Variants in AFF2 observed in about 807,000 individuals in gnomAD.
AFF2 encodes the protein ALF transcription elongation factor 2.
In AFF2, 14 loss-of-function variants were observed where a neutral mutation model predicts 76.9. The observed-to-expected ratio is 0.18, with a 90% CI of 0.12 to 0.28. The LOEUF is 0.28. AFF2 is among the 10% of genes least tolerant of loss of function. The pLI is 1.00. For missense variants in AFF2, 868 were observed against 1,001.1 expected (o/e 0.87, Z 1.79); for synonymous variants, 398 against 366.7 (o/e 1.09, Z -0.98).
At chrX:148,768,406 A>G (rs1001628992) in intron 3 of AFF2, among the ~76,000 whole-genome samples, 3 of 110,810 alleles carry the variant, frequency 2.7e-5, no homozygotes, top group African/African-American at 9.9e-5. Context: ...CCTTAATTAA[A>G]TGCAGTTCAC....
intron 9 of AFF2, among the ~76,000 whole-genome samples, chrX:148,931,487 A>G (rs1366997252): frequency 9.0e-6 from 1 of 111,710 alleles, no homozygotes; most frequent in African/African-American, 3.3e-5. Context: ...TTGTAACTTT[A>G]GTCACTATAT....
intron 16 of AFF2, 88 bp downstream of exon 16, chrX:148,973,695 T>C: frequency 7.1e-6 from 7 of 992,671 alleles, no homozygotes; most frequent in Non-Finnish European, 9.5e-6. Context: ...TTTCCACTTA[T>C]TAATAATTTG....
At chrX:148,602,085 CAGA>C (rs1163288489) in intron 1 of AFF2, among the ~76,000 whole-genome samples, 1 of 111,606 alleles carries the variant, frequency 9.0e-6, no homozygotes, top group East Asian at 2.8e-4. Context: ...ACAGGGTGCT[CAGA>C]AGAAGGCTTT....
Position 148,636,802 on chromosome X carries a change from A to G in AFF2, c.48-15197A>G, listed in dbSNP as rs183465729. On this transcript the variant is annotated intron_variant, in intron 1 of 20. Coordinates refer to ENST00000370460, the MANE Select transcript of AFF2 (RefSeq NM_002025.4). ...AAAATTTTTTCCACCTATTGTAAGT[A>G]CCTTGGGAAAAAAAAAACCAGACAT... 6.9e-3 allele frequency among the ~76,000 whole-genome samples: 696 copies of G among 100,989 alleles called. 8 individuals carry two copies. Among genetic ancestry groups the G allele is most frequent in the African/African-American group, 0.024 (661 of 27,999 alleles). 87.7% of individuals were successfully genotyped at this position (100,989 alleles called of 115,157 possible). A position where few individuals can be genotyped will look rare whatever the true frequency, so the allele number is the denominator to read the frequency against.
At chrX:148,846,101 C>T (rs2070663963) in intron 7 of AFF2, among the ~76,000 whole-genome samples, 1 of 112,125 alleles carries the variant, frequency 8.9e-6, no homozygotes, top group African/African-American at 3.2e-5. Flanking sequence ...ACAATTACTG[C>T]TGTCTCTGAG....
intron 9 of AFF2, among the ~76,000 whole-genome samples, chrX:148,942,264 T>C (rs1322791205): frequency 9.2e-6 from 1 of 108,227 alleles, no homozygotes; most frequent in Non-Finnish European, 1.9e-5. Context: ...ATGGAGGCAA[T>C]GTGGGAGCAG....
chrX:148,886,393 T>C (rs1267415122), intron 8 of AFF2, among the ~76,000 whole-genome samples: 1 of 111,734 alleles, frequency 8.9e-6, no homozygotes, highest in African/African-American at 3.3e-5. Context: ...TGATGCTTCA[T>C]TCACCTTTCC....
chrX:148,851,027 G>A (rs1557275280), intron 7 of AFF2, among the ~76,000 whole-genome samples: 1 of 112,386 alleles, frequency 8.9e-6, no homozygotes, highest in Non-Finnish European at 1.9e-5. Context: ...ATCCAACTGA[G>A]ACTGGAGTAG....
intron 3 of AFF2, among the ~76,000 whole-genome samples, chrX:148,728,897 A>T (rs1427168012): frequency 8.9e-6 from 1 of 112,290 alleles, no homozygotes; most frequent in African/African-American, 3.2e-5. Context: ...AGAAATGCAT[A>T]CCATTATTCA....
chrX:148,666,435 A>C (rs1557258464), intron 3 of AFF2, among the ~76,000 whole-genome samples: 1 of 110,054 alleles, frequency 9.1e-6, no homozygotes, highest in African/African-American at 3.3e-5. Context: ...AAATACAAAA[A>C]ATAGCTGGCC....
intron 3 of AFF2, among the ~76,000 whole-genome samples, chrX:148,733,380 T>C (rs1290528648): frequency 9.0e-6 from 1 of 110,915 alleles, no homozygotes; most frequent in Non-Finnish European, 1.9e-5. Context: ...AAATCTAGTA[T>C]ACTTTTCCTT....
intron 8 of AFF2, among the ~76,000 whole-genome samples, chrX:148,895,808 T>C (rs1401016337): frequency 9.0e-6 from 1 of 111,037 alleles, no homozygotes; most frequent in Non-Finnish European, 1.9e-5. Context: ...TGGCCTCTTA[T>C]ATCCTCATTT....
chrX:148,905,600 C>CT (rs2124211063), intron 9 of AFF2, among the ~76,000 whole-genome samples: 1 of 112,432 alleles, frequency 8.9e-6, no homozygotes, highest in African/African-American at 3.2e-5. Context: ...GCACTCCTCC[C>CT]TTCAGTCCGC....
At chrX:148,749,947 C>CTTTATTTATTTATTTATTTA (rs56019532) in intron 3 of AFF2, among the ~76,000 whole-genome samples, 8 of 101,739 alleles carry the variant, frequency 7.9e-5, no homozygotes, top group Non-Finnish European at 1.4e-4. Context: ...GGCCTGCACC[C>CTTTATTTATTTATTTATTTA]TTTATTTATT....
intron 3 of AFF2, among the ~76,000 whole-genome samples, chrX:148,765,076 C>T (rs991987683): frequency 9.0e-6 from 1 of 111,031 alleles, no homozygotes; most frequent in East Asian, 2.8e-4. Context: ...GATGGGCTTT[C>T]GCTATAGAGT....
At chrX:148,722,103 C>A (rs1484480744) in intron 3 of AFF2, among the ~76,000 whole-genome samples, 2 of 111,325 alleles carry the variant, frequency 1.8e-5, no homozygotes, top group East Asian at 2.9e-4. Flanking sequence ...CTCATAACAG[C>A]AAGTGTCTGT....
intron 1 of AFF2, among the ~76,000 whole-genome samples, chrX:148,640,417 T>C (rs1557254495): frequency 9.0e-6 from 1 of 110,829 alleles, no homozygotes; most frequent in Non-Finnish European, 1.9e-5. Flanking sequence ...TTCTGTGTGA[T>C]TGTGTTCAAC....
At chrX:148,538,366 C>G (rs2052810868) in intron 1 of AFF2, among the ~76,000 whole-genome samples, 2 of 111,716 alleles carry the variant, frequency 1.8e-5, no homozygotes, top group African/African-American at 6.5e-5. Flanking sequence ...GAGAAGCTCC[C>G]TTTCTGACAA....
At chrX:148,949,558 G>C (rs1557286402) in intron 9 of AFF2, among the ~76,000 whole-genome samples, 1 of 112,279 alleles carries the variant, frequency 8.9e-6, no homozygotes, top group African/African-American at 3.2e-5. Flanking sequence ...GTTCTACTTG[G>C]TAAAGATGAA....
Sources: allele counts gnomAD v4.1 joint callset (sites outside exome capture counted in the v4.1 genomes callset), GRCh38; gene constraint gnomAD v4.1.1; transcripts MANE v1.5; gene names NCBI Gene and HGNC (gene_info 2026-07-23, HGNC 2026-07-21).